Variants in KCNN2 observed in about 807,000 individuals in gnomAD.
KCNN2 encodes potassium calcium-activated channel subfamily N member 2.
KCNN2 carries 24 observed loss-of-function variants against 55.5 expected under a neutral mutation model. That is an observed-to-expected ratio of 0.43 (90% CI 0.31 to 0.61). KCNN2 has a LOEUF of 0.61. Among genes scored for constraint, KCNN2 ranks in the 20% least tolerant of loss-of-function variants. The pLI, the probability that KCNN2 is intolerant of heterozygous loss-of-function variation, is 0.08. For synonymous variants in KCNN2, 431 were observed against 336.1 expected (o/e 1.28, Z -3.09); for missense variants, 754 against 853.6 (o/e 0.88, Z 1.45).
intron 1 of KCNN2, among the ~76,000 whole-genome samples, chr5:114,157,774 T>C (rs1752668481): frequency 1.3e-5 from 2 of 152,168 alleles, no homozygotes; most frequent in Non-Finnish European, 2.9e-5. Context: ...GAGCATTTTT[T>C]CATGTGTTTT....
At chr5:114,356,381 T>G (rs955105992) in intron 2 of KCNN2, among the ~76,000 whole-genome samples, 2 of 152,208 alleles carry the variant, frequency 1.3e-5, no homozygotes, top group Non-Finnish European at 2.9e-5. Flanking sequence ...TTGGGTGTTG[T>G]GTTTCTAGCT....
chr5:114,364,054 G>A (rs1188425302), intron 2 of KCNN2, 53 bp downstream of exon 2: 1 of 1,352,036 alleles, frequency 7.4e-7, no homozygotes, highest in African/African-American at 1.4e-5. Context: ...AGTCAGCCTA[G>A]AGAAACGCAA....
intron 1 of KCNN2, among the ~76,000 whole-genome samples, chr5:114,162,951 G>T (rs376847428): frequency 1.3e-5 from 2 of 152,108 alleles, no homozygotes; most frequent in African/African-American, 4.8e-5. Context: ...TGCACTTCCC[G>T]GGTGAGGCGA....
rs987001384 is a variant in KCNN2, at chr5:114,242,452, A to G, written c.-185+20887A>G. 1.2e-4 allele frequency among the ~76,000 whole-genome samples: 19 copies of G among 152,320 alleles called. No individual in the cohort carries two copies. In the East Asian group the frequency reaches 3.5e-3, roughly 28 times the overall value. On this transcript the variant is annotated intron_variant, in intron 2 of 10. Coordinates refer to the KCNN2 transcript ENST00000512097. ...ACAGGCATTAATCCAGTTCTCTATA[A>G]CTATTTATTTACAAGGATATTTATA...
intron 2 of KCNN2, among the ~76,000 whole-genome samples, chr5:114,284,956 G>C (rs1210159013): frequency 6.6e-6 from 1 of 151,990 alleles, no homozygotes; most frequent in African/African-American, 2.4e-5. Flanking sequence ...AAGCTACCCA[G>C]TCTGTAGGAT....
chr5:114,492,525 T>TAAAC, intron 6 of KCNN2, among the ~76,000 whole-genome samples: 1 of 152,312 alleles, frequency 6.6e-6, no homozygotes, highest in East Asian at 1.9e-4. Flanking sequence ...TGGTACATAG[T>TAAAC]AAACACTGAA....
intron 2 of KCNN2, among the ~76,000 whole-genome samples, chr5:114,389,777 G>C (rs2150062745): frequency 6.6e-6 from 1 of 152,234 alleles, no homozygotes; most frequent in East Asian, 1.9e-4. Context: ...TTAAATATTT[G>C]CTTCTGCTGG....
intron 2 of KCNN2, among the ~76,000 whole-genome samples, chr5:114,269,560 T>C (rs568826223): frequency 6.6e-6 from 1 of 151,910 alleles, no homozygotes; most frequent in Admixed American, 6.6e-5. Flanking sequence ...TGCTGAACAC[T>C]GTAGACCTTC....
chr5:114,218,628 A>G (rs1402344237), intron 1 of KCNN2, among the ~76,000 whole-genome samples: 1 of 152,256 alleles, frequency 6.6e-6, no homozygotes, highest in Non-Finnish European at 1.5e-5. Context: ...TTTTCAGGGC[A>G]GTGAATTACT....
At chr5:114,318,069 C>G (rs1756535989) in intron 2 of KCNN2, among the ~76,000 whole-genome samples, 1 of 152,162 alleles carries the variant, frequency 6.6e-6, no homozygotes, top group African/African-American at 2.4e-5. Flanking sequence ...TTTGTTCCAT[C>G]TCTGCACTAT....
At chr5:114,064,137 G>T (rs1750390389) in intron 1 of KCNN2, among the ~76,000 whole-genome samples, 1 of 152,136 alleles carries the variant, frequency 6.6e-6, no homozygotes. Flanking sequence ...GTTTTAAAAA[G>T]ATCCCCAGAT....
intron 2 of KCNN2, among the ~76,000 whole-genome samples, chr5:114,392,899 A>G (rs1674952): frequency 2.7e-5 from 4 of 149,136 alleles, no homozygotes; most frequent in Admixed American, 1.3e-4. Flanking sequence ...TAATTAATAC[A>G]TTTCTGTGCA....
chr5:114,237,856 G>A (rs1754535688), intron 2 of KCNN2, among the ~76,000 whole-genome samples: 1 of 152,200 alleles, frequency 6.6e-6, no homozygotes, highest in Non-Finnish European at 1.5e-5. Flanking sequence ...TCCACGAGGT[G>A]ACTCAGGGAA....
intron 2 of KCNN2, among the ~76,000 whole-genome samples, chr5:114,323,400 C>T (rs1248803780): frequency 2.6e-5 from 4 of 152,116 alleles, no homozygotes; most frequent in Non-Finnish European, 1.5e-5. Context: ...CCATCATAAG[C>T]ACCAAATACT....
chr5:114,444,748 C>T (rs940425008), intron 3 of KCNN2, among the ~76,000 whole-genome samples: 1 of 152,082 alleles, frequency 6.6e-6, no homozygotes, highest in Non-Finnish European at 1.5e-5. Context: ...TGAGAGAGCA[C>T]CATTTGGGTG....
intron 2 of KCNN2, among the ~76,000 whole-genome samples, chr5:114,313,627 A>G (rs774949983): frequency 5.3e-5 from 8 of 152,140 alleles, no homozygotes; most frequent in Non-Finnish European, 8.8e-5. Context: ...AATCTACAAG[A>G]TATCCAAGGA....
chr5:114,194,323 T>G (rs781096092), intron 1 of KCNN2, among the ~76,000 whole-genome samples: 8 of 152,104 alleles, frequency 5.3e-5, no homozygotes, highest in Non-Finnish European at 8.8e-5. Flanking sequence ...ACCAGCAATG[T>G]ATAAAGTTTC....
chr5:114,171,858 T>C (rs1382594484), intron 1 of KCNN2, among the ~76,000 whole-genome samples: 1 of 151,876 alleles, frequency 6.6e-6, no homozygotes, highest in Non-Finnish European at 1.5e-5. Flanking sequence ...TTTGTGACTT[T>C]GCACTCATGT....
intron 1 of KCNN2, among the ~76,000 whole-genome samples, chr5:114,170,864 T>C (rs1338095905): frequency 1.3e-5 from 2 of 152,042 alleles, no homozygotes; most frequent in Non-Finnish European, 2.9e-5. Flanking sequence ...TACATCATTG[T>C]TCCCTTTTTA....
Sources: gnomAD v4.1 joint callset for allele counts (sites outside exome capture counted in the v4.1 genomes callset) on GRCh38, gnomAD v4.1.1 for gene constraint, MANE v1.5 for transcripts, NCBI Gene and HGNC (gene_info 2026-07-23, HGNC 2026-07-21) for gene names.